OTUD4: variants seen among roughly 807,000 people sequenced by gnomAD.
OTUD4 encodes OTU domain-containing protein 4.
In OTUD4, 24 loss-of-function variants were observed where a neutral mutation model predicts 130.4. That is an observed-to-expected ratio of 0.18 (90% CI 0.13 to 0.26). The LOEUF (loss-of-function observed/expected upper bound fraction) is 0.26. Among genes scored for constraint, OTUD4 ranks in the 10% least tolerant of loss-of-function variants. OTUD4 has a pLI of 1.00. For missense variants in OTUD4, 1,031 were observed against 1,329.4 expected (o/e 0.78, Z 3.49); for synonymous variants, 420 against 472.5 (o/e 0.89, Z 1.44).
At chr4:145,164,125 T>C (rs776153209) in intron 5 of OTUD4, 29 bp downstream of exon 5, 1 of 1,032,436 alleles carries the variant, frequency 9.7e-7, no homozygotes, top group African/African-American at 1.6e-5. Context: ...TTTACTTAAA[T>C]ACTTTAGAAC....
Position 145,143,404 on chromosome 4 carries a change from T to C in OTUD4, c.1644A>G (p.Ser548=), listed in dbSNP as rs1234703298. 2 of 1,611,620 alleles carry C rather than the reference T, an allele frequency of 1.2e-6. No individual in the cohort carries two copies. The highest frequency in any genetic ancestry group is 1.1e-5 in the South Asian group (1 of 90,980). Residue 548 remains serine, a synonymous_variant, in exon 17 of 21, where the codon TCA becomes TCG. Coordinates refer to ENST00000447906, the MANE Select transcript of OTUD4 (RefSeq NM_001366057.1). ...AAGGGCACTCTAACTTCTTTGACTT[T>C]GATGGTGATGAAACTGTTGCATATT... ...DDKYATVSSP[S]KSKKLECPSP...
rs770502945 is a variant in OTUD4 at position 145,137,868 on chromosome 4, G to A, written c.2907C>T (p.Asn969=). Residue 969 remains asparagine (N), a synonymous_variant, in exon 21 of 21, where the codon AAC becomes AAT. Coordinates refer to ENST00000447906, the MANE Select transcript of OTUD4 (RefSeq NM_001366057.1). ...CAACAGGCACAGTTTCTCTCTCTCT[G>A]TTTAGAATCTGAGTGGGAGGATGAG... is the stretch of plus-strand genomic sequence containing the variant. The part of the protein sequence containing the change: ...GKAHPPTQIL[N]RERETVPVEL... 1 of 1,614,028 alleles carries A rather than the reference G, an allele frequency of 6.2e-7. No homozygotes were observed. Among genetic ancestry groups the A allele is most frequent in the Non-Finnish European group, 8.5e-7 (1 of 1,179,976 alleles).
chr4:145,158,788 T>C (rs1751420625), intron 7 of OTUD4, among the ~76,000 whole-genome samples: 1 of 152,192 alleles, frequency 6.6e-6, no homozygotes, highest in South Asian at 2.1e-4. Context: ...GCTATGTACT[T>C]TATATGCTAT....
intron 1 of OTUD4, among the ~76,000 whole-genome samples, chr4:145,179,170 GCTT>G (rs1043410553): frequency 6.6e-6 from 1 of 152,114 alleles, no homozygotes; most frequent in African/African-American, 2.4e-5. Context: ...ATCAAAACAG[GCTT>G]TTTTAAAAAA....
intron 2 of OTUD4, among the ~76,000 whole-genome samples, chr4:145,172,292 A>G (rs548804177): frequency 3.9e-5 from 6 of 152,382 alleles, no homozygotes; most frequent in Admixed American, 3.3e-4. Context: ...AGAAGGGAAT[A>G]AAACAAAGAC....
intron 2 of OTUD4, among the ~76,000 whole-genome samples, chr4:145,172,395 G>C (rs1268198749): frequency 6.6e-6 from 1 of 152,226 alleles, no homozygotes; most frequent in African/African-American, 2.4e-5. Flanking sequence ...ATGAGAACTA[G>C]TAAGGCGAAA....
chr4:145,149,948 G>A (rs1054593732), intron 13 of OTUD4, among the ~76,000 whole-genome samples: 6 of 152,150 alleles, frequency 3.9e-5, no homozygotes, highest in Non-Finnish European at 4.4e-5. Flanking sequence ...GAAGACTAGG[G>A]AAAAATTAAA....
intron 1 of OTUD4, among the ~76,000 whole-genome samples, chr4:145,177,658 C>T (rs1441759046): frequency 1.3e-5 from 2 of 152,178 alleles, no homozygotes; most frequent in Non-Finnish European, 1.5e-5. Flanking sequence ...ATTTTTAGCT[C>T]CATGGCTGTG....
rs1171424831 is a variant in OTUD4 at position 145,138,347 on chromosome 4, A to G, written c.2428T>C (p.Tyr810His). 1 of 1,614,062 alleles carries G rather than the reference A, an allele frequency of 6.2e-7. No homozygotes were observed. The highest frequency in any genetic ancestry group is 2.2e-5 in the East Asian group (1 of 44,896). Reference protein sequence around the residue: ...QVSESHGQLSYQADLESETPG... With the variant: ...QVSESHGQLSHQADLESETPG... The stretch of plus-strand genomic sequence containing the variant: ...GTCTCAGATTCAAGATCAGCCTGGT[A>G]AGACAATTGTCCATGACTTTCAGAC... The change falls in exon 21 of 21, where the codon TAC becomes CAC. Residue 810 changes from tyrosine (Y) to histidine (H), a missense_variant. Physicochemically the swap from Tyr to His is moderately conservative, Grantham distance 83 (BLOSUM62 2). Around this residue, in one of 3 missense-constraint regions of OTUD4, gnomAD observed 900 missense variants for 1,095.9 expected, o/e 0.82. Coordinates refer to ENST00000447906, the MANE Select transcript of OTUD4 (RefSeq NM_001366057.1).
At chr4:145,144,546 G>T in intron 14 of OTUD4, 112 bp from the exon 15 acceptor site, 2 of 1,039,244 alleles carry the variant, frequency 1.9e-6, no homozygotes, top group Non-Finnish European at 2.8e-6. Context: ...AAAATTCACA[G>T]CCCTGTATTT....
intron 6 of OTUD4, among the ~76,000 whole-genome samples, chr4:145,161,900 G>GA (rs36225146): frequency 2.6e-5 from 4 of 151,944 alleles, no homozygotes; most frequent in Non-Finnish European, 4.4e-5. Context: ...ATGATTGCAG[G>GA]AAAAAAAAGT....
chr4:145,152,714 G>A lies in OTUD4; in HGVS notation c.874-79C>T, dbSNP rs530049586. 18 of 798,140 alleles carry A rather than the reference G, an allele frequency of 2.3e-5. 1 individual carries two copies. Among genetic ancestry groups the A allele is most frequent in the African/African-American group, 8.9e-5 (5 of 56,258 alleles). The allele number at this position is 798,140 out of a possible 1,614,324, so 49.4% of individuals were successfully genotyped here. A position where few individuals can be genotyped will look rare whatever the true frequency, so the allele number is the denominator to read the frequency against. On this transcript the variant is annotated intron_variant, in intron 10 of 20. Coordinates refer to ENST00000447906, the MANE Select transcript of OTUD4 (RefSeq NM_001366057.1). ...TTTGCATTACTTATCAGTTTTTTGC[G>A]GTTCTTTTTTTTTTTTTCTTGAGAC...
chr4:145,176,727 G>C (rs1412584373), intron 1 of OTUD4, among the ~76,000 whole-genome samples: 2 of 151,992 alleles, frequency 1.3e-5, no homozygotes, highest in Non-Finnish European at 2.9e-5. Context: ...ATCCAATTGA[G>C]TGGTTCTCCC....
chr4:145,133,723 CTTATT>C lies in OTUD4; in HGVS notation c.*3702_*3706del, dbSNP rs1298915571. Reference sequence around the variant, plus strand: ...CATCACACCATGTAGGGCATTTACTCTTATTTTATACATTCAGATATGTTTGAAAC... The same window carrying C: ...CATCACACCATGTAGGGCATTTACTCTTATACATTCAGATATGTTTGAAAC... On this transcript the variant is annotated 3_prime_UTR_variant, in exon 21 of 21. Transcript: ENST00000447906. 5.9e-5 allele frequency: 9 copies of C among 152,628 alleles called. No homozygotes were observed. The highest frequency in any genetic ancestry group is 2.6e-4 in the Admixed American group (4 of 15,282). 9.5% of individuals were successfully genotyped at this position (152,628 alleles called of 1,614,324 possible).
chr4:145,142,879 T>C (rs920357228), intron 17 of OTUD4, among the ~76,000 whole-genome samples: 3 of 152,248 alleles, frequency 2.0e-5, no homozygotes, highest in Non-Finnish European at 2.9e-5. Context: ...CTAAAATGTC[T>C]GCTAGAACAC....
chr4:145,155,841 G>A, intron 8 of OTUD4, 95 bp downstream of exon 8: 2 of 1,097,832 alleles, frequency 1.8e-6, no homozygotes, highest in Non-Finnish European at 2.6e-6. Context: ...TGACTTGACT[G>A]AAATGTACCA....
chr4:145,169,253 T>C (rs77099375), intron 3 of OTUD4, among the ~76,000 whole-genome samples: 2,606 of 152,278 alleles, frequency 0.017, 90 homozygotes, highest in African/African-American at 0.058. Context: ...CTCATCAAAT[T>C]GTATATTTAT....
chr4:145,156,962 G>A (rs1238426381), intron 7 of OTUD4, among the ~76,000 whole-genome samples: 1 of 152,098 alleles, frequency 6.6e-6, no homozygotes, highest in Non-Finnish European at 1.5e-5. Context: ...CAGAGGGCCA[G>A]CTTTTCATAT....
chr4:145,155,224 T>G (rs986843513), intron 10 of OTUD4, among the ~76,000 whole-genome samples, 187 bp downstream of exon 10: 1 of 152,226 alleles, frequency 6.6e-6, no homozygotes, highest in African/African-American at 2.4e-5. Context: ...TACATACAAT[T>G]TTAGCAACGT....
Sources: gnomAD v4.1 joint callset for allele counts (sites outside exome capture counted in the v4.1 genomes callset) on GRCh38, gnomAD v4.1.1 for gene constraint, gnomAD v4.1.1 regional missense constraint, MANE v1.5 for transcripts, NCBI Gene and HGNC (gene_info 2026-07-23, HGNC 2026-07-21) for gene names.